The following MED27 variants were observed in gnomAD, a reference collection of about 807,000 sequenced individuals.
MED27 encodes the protein mediator of RNA polymerase II transcription subunit 27.
Under a neutral mutation model 38.2 loss-of-function variants are expected in MED27, and 30 were observed. That is an observed-to-expected ratio of 0.79 (90% CI 0.59 to 1.07). The LOEUF (loss-of-function observed/expected upper bound fraction) is 1.07. Ranked by LOEUF, MED27 falls within the 50% of genes least tolerant of loss-of-function variation. The probability of loss-of-function intolerance (pLI) is 0.00; values close to 1 mark genes in which losing one functional copy is unlikely to be tolerated. For synonymous variants in MED27, 122 were observed against 153.5 expected, an observed-to-expected ratio of 0.79 and a Z score of 1.52; for missense variants, 289 against 397.5, an observed-to-expected ratio of 0.73 and a Z score of 2.32.
chr9:131,977,361 A>G (rs1397267807), intron 3 of MED27, among the ~76,000 whole-genome samples: 2 of 152,154 alleles, frequency 1.3e-5, no homozygotes, highest in African/African-American at 4.8e-5. Context: ...ACCACTTGTC[A>G]TTACTACTGC....
chr9:131,901,191 T>C (rs1829940609), intron 4 of MED27, among the ~76,000 whole-genome samples: 1 of 152,156 alleles, frequency 6.6e-6, no homozygotes, highest in Non-Finnish European at 1.5e-5. Flanking sequence ...TTTTCCTTCA[T>C]ACAATATTGA....
At chr9:132,067,002 T>C (rs1833823852) in intron 2 of MED27, among the ~76,000 whole-genome samples, 1 of 152,218 alleles carries the variant, frequency 6.6e-6, no homozygotes, top group Non-Finnish European at 1.5e-5. Context: ...GTTAAGGTGA[T>C]GCAAACAGAG....
chr9:132,059,100 A>C (rs1375786038), intron 2 of MED27, among the ~76,000 whole-genome samples: 2 of 152,234 alleles, frequency 1.3e-5, no homozygotes, highest in East Asian at 3.8e-4. Flanking sequence ...AGTCGGCTAC[A>C]GACTCACACT....
At chr9:132,069,792 G>A (rs1239609398) in intron 2 of MED27, among the ~76,000 whole-genome samples, 1 of 152,216 alleles carries the variant, frequency 6.6e-6, no homozygotes, top group Non-Finnish European at 1.5e-5. Context: ...TACCGATGAG[G>A]AAGGTGAAAC....
intron 3 of MED27, among the ~76,000 whole-genome samples, chr9:131,954,407 T>C (rs1831054417): frequency 6.6e-6 from 1 of 152,166 alleles, no homozygotes; most frequent in Non-Finnish European, 1.5e-5. Flanking sequence ...CACCAGAACA[T>C]ACTTCTCTCA....
chr9:131,993,014 A>C (rs1832010139), intron 3 of MED27, among the ~76,000 whole-genome samples: 1 of 152,204 alleles, frequency 6.6e-6, no homozygotes, highest in Non-Finnish European at 1.5e-5. Flanking sequence ...CATATGGGGC[A>C]TGGGTGACCC....
chr9:132,006,446 A>C (rs1218588471), intron 3 of MED27, among the ~76,000 whole-genome samples: 2 of 152,236 alleles, frequency 1.3e-5, no homozygotes, highest in Non-Finnish European at 2.9e-5. Context: ...GAAGAATTTA[A>C]CATAAATGAA....
chr9:132,005,382 C>A (rs546962434), intron 3 of MED27, among the ~76,000 whole-genome samples: 4 of 152,330 alleles, frequency 2.6e-5, no homozygotes, highest in Admixed American at 2.6e-4. Context: ...AGGCCTTTCT[C>A]TGTTCCTGTG....
At chr9:132,017,463 A>G (rs1220793551) in intron 2 of MED27, among the ~76,000 whole-genome samples, 3 of 152,230 alleles carry the variant, frequency 2.0e-5, no homozygotes, top group African/African-American at 7.2e-5. Context: ...AAACAAGTCT[A>G]TTTCAAAAAG....
chr9:132,078,730 G>A (rs1055412552), intron 1 of MED27, among the ~76,000 whole-genome samples: 1 of 152,150 alleles, frequency 6.6e-6, no homozygotes, highest in Non-Finnish European at 1.5e-5. Flanking sequence ...CTCACCAAAT[G>A]CTTTCCCCTA....
At chr9:131,896,482 T>G (rs1402249716) in intron 4 of MED27, among the ~76,000 whole-genome samples, 4 of 152,204 alleles carry the variant, frequency 2.6e-5, no homozygotes, top group African/African-American at 9.6e-5. Flanking sequence ...AATTTTATAT[T>G]CAAATTTTTT....
intron 2 of MED27, among the ~76,000 whole-genome samples, chr9:132,037,037 T>C (rs954482950): frequency 2.0e-5 from 3 of 152,052 alleles, no homozygotes; most frequent in African/African-American, 4.8e-5. Context: ...GAGCTTGGCA[T>C]GTTAAAGAAA....
intron 2 of MED27, among the ~76,000 whole-genome samples, chr9:132,044,231 G>T (rs140899794): frequency 2.4e-3 from 359 of 152,244 alleles, no homozygotes; most frequent in African/African-American, 8.2e-3. Flanking sequence ...ACCTGACATG[G>T]GCCACCTAAC....
chr9:131,989,138 AAC>A (rs765055415), intron 3 of MED27, among the ~76,000 whole-genome samples: 14 of 152,230 alleles, frequency 9.2e-5, no homozygotes, highest in Admixed American at 2.6e-4. Flanking sequence ...TAAACTCTGT[AAC>A]TACTATAAGG....
intron 3 of MED27, among the ~76,000 whole-genome samples, chr9:131,954,281 G>T (rs542281569): frequency 6.6e-6 from 1 of 152,200 alleles, no homozygotes; most frequent in Admixed American, 6.5e-5. Flanking sequence ...GGGAATGTGT[G>T]ATGTGAGCAC....
At chr9:132,064,111 C>G (rs1833755489) in intron 2 of MED27, among the ~76,000 whole-genome samples, 1 of 152,128 alleles carries the variant, frequency 6.6e-6, no homozygotes, top group African/African-American at 2.4e-5. Context: ...TAGTTTGAAT[C>G]AATGCATTCA....
chr9:131,996,759 C>T (rs1832100665), intron 3 of MED27, among the ~76,000 whole-genome samples: 2 of 152,298 alleles, frequency 1.3e-5, no homozygotes, highest in South Asian at 4.1e-4. Context: ...GACCAACCTC[C>T]TCCTCCTTAC....
intron 2 of MED27, chr9:132,073,284 C>T (rs2131169037): frequency 1.0e-6 from 1 of 975,878 alleles, no homozygotes; most frequent in Non-Finnish European, 1.2e-6. Context: ...AATGCCCTCA[C>T]TGTACTTCAT....
chr9:131,949,327 G>C (rs1205794060), intron 3 of MED27, among the ~76,000 whole-genome samples: 1 of 152,182 alleles, frequency 6.6e-6, no homozygotes, highest in Admixed American at 6.5e-5. Context: ...GAGAGTGACA[G>C]AGCAGGCACT....
Sources: allele counts gnomAD v4.1 joint callset (sites outside exome capture counted in the v4.1 genomes callset), GRCh38; gene constraint gnomAD v4.1.1; transcripts MANE v1.5; gene names NCBI Gene and HGNC (gene_info 2026-07-23, HGNC 2026-07-21).